Variants in CTPS2 observed in about 807,000 individuals in gnomAD.
CTPS2 encodes the protein CTP synthase II.
CTPS2 carries 19 observed loss-of-function variants against 46.8 expected under a neutral mutation model. The ratio of observed to expected loss-of-function variants is 0.41; its 90% CI spans 0.28 to 0.60. The LOEUF (loss-of-function observed/expected upper bound fraction) is 0.60. Ranked by LOEUF, CTPS2 falls within the 20% of genes least tolerant of loss-of-function variation. The probability of loss-of-function intolerance (pLI) is 0.35; values close to 1 mark genes in which losing one functional copy is unlikely to be tolerated. For missense variants in CTPS2, 286 were observed against 447.6 expected (o/e 0.64, Z 3.26); for synonymous variants, 151 against 165.2 (o/e 0.91, Z 0.66).
At chrX:16,659,969 C>A (rs765217989) in intron 13 of CTPS2, among the ~76,000 whole-genome samples, 9 of 111,985 alleles carry the variant, frequency 8.0e-5, no homozygotes, top group Non-Finnish European at 1.5e-4. Flanking sequence ...TATCAGTGAA[C>A]ACTTAGGTTG....
intron 10 of CTPS2, among the ~76,000 whole-genome samples, chrX:16,672,863 A>G (rs1242694944): frequency 1.9e-5 from 2 of 106,923 alleles, no homozygotes; most frequent in Admixed American, 2.0e-4. Context: ...AATGGTAAAA[A>G]GGATTTGTGA....
intron 13 of CTPS2, among the ~76,000 whole-genome samples, chrX:16,651,551 C>T (rs190152294): frequency 1.8e-5 from 2 of 112,205 alleles, no homozygotes; most frequent in Admixed American, 1.9e-4. Context: ...TGTAAAATCC[C>T]TCAACAAGAC....
intron 9 of CTPS2, among the ~76,000 whole-genome samples, chrX:16,680,559 A>AC (rs1229726904): frequency 2.7e-5 from 3 of 110,380 alleles, no homozygotes; most frequent in Non-Finnish European, 5.7e-5. Flanking sequence ...TGTCTCAAAA[A>AC]AAAAAAAAAG....
Position 16,712,432 on chromosome X carries a change from G to A in CTPS2, c.-137C>T, listed in dbSNP as rs1925534349. The A allele has an allele frequency of 1.8e-5, 2 of 112,430 alleles. No homozygotes were observed. The highest frequency in any genetic ancestry group is 7.2e-4 in the South Asian group (2 of 2,781). 9.3% of individuals were successfully genotyped at this position (112,430 alleles called of 1,213,427 possible). ...GCTCACCTGTCGGGCTGGGGAAGGG[G>A]TCGCTGCCGGGGCTGTCCAAAGCCG... On this transcript the variant is annotated 5_prime_UTR_variant, in exon 1 of 19. Coordinates refer to ENST00000359276, the MANE Select transcript of CTPS2 (RefSeq NM_175859.3).
chrX:16,612,123 G>T (rs1432504031), intron 16 of CTPS2, among the ~76,000 whole-genome samples: 1 of 111,840 alleles, frequency 8.9e-6, no homozygotes, highest in African/African-American at 3.2e-5. Flanking sequence ...GCCAATATGA[G>T]GAGAAAGTAA....
chrX:16,640,122 C>T (rs372950694), intron 13 of CTPS2, among the ~76,000 whole-genome samples: 1 of 111,379 alleles, frequency 9.0e-6, no homozygotes, highest in African/African-American at 3.3e-5. Context: ...AATCTTAGTG[C>T]GGCATTTTTC....
intron 16 of CTPS2, among the ~76,000 whole-genome samples, chrX:16,612,253 C>G (rs767334915): frequency 1.8e-5 from 2 of 112,160 alleles, no homozygotes; most frequent in Non-Finnish European, 3.8e-5. Context: ...TTTGTTGTTC[C>G]TCTCAGAACC....
At chrX:16,695,612 C>A (rs1384489108) in intron 4 of CTPS2, among the ~76,000 whole-genome samples, 3 of 105,669 alleles carry the variant, frequency 2.8e-5, no homozygotes, top group Non-Finnish European at 5.9e-5. Flanking sequence ...AGTGCAATGG[C>A]GCGATGTCGG....
chrX:16,709,742 G>A (rs899165930), intron 1 of CTPS2, among the ~76,000 whole-genome samples: 3 of 104,591 alleles, frequency 2.9e-5, no homozygotes, highest in East Asian at 3.1e-4. Flanking sequence ...TCAGGTACTC[G>A]GGAGGCTGAG....
intron 1 of CTPS2, among the ~76,000 whole-genome samples, chrX:16,704,854 G>C (rs937114489): frequency 1.3e-4 from 14 of 108,092 alleles, no homozygotes; most frequent in Non-Finnish European, 2.1e-4. Context: ...GGCTGAGGAA[G>C]AGAGAATCGC....
At position 16,704,233 on chromosome X, in the gene CTPS2, C is replaced by T. The variant is rs755756611; in HGVS notation, c.-39-1292G>A. On this transcript the variant is annotated intron_variant, in intron 1 of 18. Coordinates refer to ENST00000359276, the MANE Select transcript of CTPS2 (RefSeq NM_175859.3). ...GATCACAGGCGTGAGCTACCACGCC[C>T]GGCCTTGGGCAAGTTATTTATCCTT... 1.6e-3 allele frequency among the ~76,000 whole-genome samples: 174 copies of T among 111,684 alleles called. 3 individuals are homozygous for T. Among genetic ancestry groups the T allele is most frequent in the Non-Finnish European group, 5.1e-4 (27 of 53,140 alleles).
At chrX:16,697,182 G>C (rs1924175889) in intron 4 of CTPS2, among the ~76,000 whole-genome samples, 1 of 110,628 alleles carries the variant, frequency 9.0e-6, no homozygotes, top group Non-Finnish European at 1.9e-5. Flanking sequence ...ACCTTGCTAG[G>C]CTACAAACCC....
chrX:16,651,083 A>G, intron 13 of CTPS2: 1 of 1,194,715 alleles, frequency 8.4e-7, no homozygotes, highest in Non-Finnish European at 1.1e-6. Context: ...GATCCAGACC[A>G]GTTGTCAAAG....
intron 17 of CTPS2, among the ~76,000 whole-genome samples, chrX:16,592,030 TC>T (rs1928929262): frequency 9.0e-6 from 1 of 111,649 alleles, no homozygotes; most frequent in East Asian, 2.8e-4. Flanking sequence ...TTATGAAGGT[TC>T]CCATAATACT....
At chrX:16,700,584 T>TA (rs983060265) in intron 2 of CTPS2, among the ~76,000 whole-genome samples, 8 of 106,654 alleles carry the variant, frequency 7.5e-5, no homozygotes, top group Admixed American at 3.1e-4. Context: ...AAAAAATCAT[T>TA]AAAAAAAAAT....
intron 14 of CTPS2, among the ~76,000 whole-genome samples, chrX:16,635,355 G>A (rs988499321): frequency 4.5e-5 from 5 of 111,449 alleles, no homozygotes; most frequent in African/African-American, 1.6e-4. Flanking sequence ...GAAATATGTT[G>A]ACTAGGAGAA....
At chrX:16,668,770 AAAGGAAGGAAGGAAGGAAGGAAGG>A (rs753753580) in intron 11 of CTPS2, among the ~76,000 whole-genome samples, 1 of 73,619 alleles carries the variant, frequency 1.4e-5, no homozygotes, top group East Asian at 4.8e-4. Context: ...GGAAGGAAGG[AAAGGAAGGAAGGAAGGAAGGAAGG>A]AAGGAAGGAA....
At chrX:16,655,094 A>G (rs1440887275) in intron 13 of CTPS2, among the ~76,000 whole-genome samples, 1 of 110,693 alleles carries the variant, frequency 9.0e-6, no homozygotes, top group Admixed American at 9.6e-5. Context: ...GTCATCTCCA[A>G]TTTCCACTCT....
intron 16 of CTPS2, 40 bp downstream of exon 16, chrX:16,617,110 A>G: frequency 9.4e-7 from 1 of 1,059,978 alleles, no homozygotes; most frequent in Non-Finnish European, 1.3e-6. Context: ...ACAAAAAGGC[A>G]AGTTATTGGA....
Sources: gnomAD v4.1 joint callset for allele counts (sites outside exome capture counted in the v4.1 genomes callset) on GRCh38, gnomAD v4.1.1 for gene constraint, MANE v1.5 for transcripts, NCBI Gene and HGNC (gene_info 2026-07-23, HGNC 2026-07-21) for gene names.